The following VTI1A variants were observed in gnomAD, a reference collection of about 807,000 sequenced individuals.
VTI1A encodes the protein vesicle transport through interaction with t-SNAREs homolog 1A.
A neutral mutation model predicts 34.9 loss-of-function variants in VTI1A; 22 were observed. That is an observed-to-expected ratio of 0.63 (90% CI 0.45 to 0.90). The LOEUF is 0.90. Ranked by LOEUF, VTI1A falls within the 40% of genes least tolerant of loss-of-function variation. The pLI, the probability that VTI1A is intolerant of heterozygous loss-of-function variation, is 0.00. For synonymous variants in VTI1A, 87 were observed against 97.3 expected (o/e 0.89, Z 0.62); for missense variants, 268 against 275.6 (o/e 0.97, Z 0.20).
intron 7 of VTI1A, among the ~76,000 whole-genome samples, chr10:112,788,551 G>T (rs1235118748): frequency 1.3e-5 from 2 of 152,098 alleles, no homozygotes; most frequent in African/African-American, 4.8e-5. Flanking sequence ...GTCTCTTACA[G>T]ACAGGATAAA....
At chr10:112,520,604 G>C (rs1849979314) in intron 3 of VTI1A, among the ~76,000 whole-genome samples, 1 of 139,160 alleles carries the variant, frequency 7.2e-6, no homozygotes, top group Admixed American at 7.3e-5. Flanking sequence ...ATTGCAAATG[G>C]GTTTTTTAGT....
chr10:112,467,234 A>G (rs1379218597), intron 3 of VTI1A, among the ~76,000 whole-genome samples: 1 of 152,126 alleles, frequency 6.6e-6, no homozygotes, highest in Non-Finnish European at 1.5e-5. Flanking sequence ...CTCAAAGAGT[A>G]CAATACTGGG....
intron 5 of VTI1A, among the ~76,000 whole-genome samples, chr10:112,563,131 A>G (rs896420928): frequency 6.6e-6 from 1 of 152,206 alleles, no homozygotes; most frequent in East Asian, 1.9e-4. Flanking sequence ...CTTAATTTTA[A>G]TCAGTTAAAA....
At chr10:112,753,386 G>GT (rs1316528170) in intron 7 of VTI1A, among the ~76,000 whole-genome samples, 7 of 151,702 alleles carry the variant, frequency 4.6e-5, no homozygotes, top group South Asian at 4.2e-4. Flanking sequence ...TTTATTTTTT[G>GT]TTTTTTTCCC....
At chr10:112,471,931 AC>A (rs1848102914) in intron 3 of VTI1A, among the ~76,000 whole-genome samples, 1 of 152,236 alleles carries the variant, frequency 6.6e-6, no homozygotes. Context: ...AAAATGTTTG[AC>A]CAAGTCTCAG....
rs552506050 is a variant in VTI1A, at chr10:112,709,050, G to A, written c.560+40052G>A. Among the ~76,000 whole-genome samples, 213 of 152,200 alleles carry A rather than the reference G, an allele frequency of 1.4e-3. 1 individual carries two copies. The highest frequency in any genetic ancestry group is 4.7e-3 in the African/African-American group (196 of 41,518). ...TGTCAATTTTCTTAGGGATTATCCC[G>A]GGAGGGGTACGTGTCCCCTTCCTCA... On this transcript the variant is annotated intron_variant, in intron 7 of 7. Transcript: ENST00000393077.
At chr10:112,510,287 T>C (rs1849561837) in intron 3 of VTI1A, among the ~76,000 whole-genome samples, 1 of 152,200 alleles carries the variant, frequency 6.6e-6, no homozygotes, top group Admixed American at 6.5e-5. Flanking sequence ...CTGGCATTTA[T>C]TCTTATCTGT....
the VTI1A span, among the ~76,000 whole-genome samples, chr10:112,843,590 G>A: frequency 0.02 from 3,069 of 152,256 alleles, 104 homozygotes; most frequent in African/African-American, 0.07. Context: ...AAACATATAC[G>A]TTGTAACCAT....
intron 7 of VTI1A, chr10:112,737,463 T>C (rs1271132537): frequency 3.8e-6 from 4 of 1,046,096 alleles, no homozygotes; most frequent in African/African-American, 1.7e-5. Context: ...ATAATAAGGC[T>C]GAATTTTTAA....
At chr10:112,567,531 T>C (rs1430906828) in intron 5 of VTI1A, among the ~76,000 whole-genome samples, 1 of 152,224 alleles carries the variant, frequency 6.6e-6, no homozygotes, top group African/African-American at 2.4e-5. Flanking sequence ...GTTATAACAT[T>C]AGGCTAACAT....
chr10:112,656,945 C>T lies in VTI1A; in HGVS notation c.428-11273C>T, dbSNP rs985639929. Among the ~76,000 whole-genome samples the T allele has an allele frequency of 2.6e-5, 4 of 151,992 alleles. No individual in the cohort carries two copies. The East Asian group carries it at 5.8e-4, about 22-fold the overall frequency. On this transcript the variant is annotated intron_variant, in intron 5 of 7. Coordinates refer to ENST00000393077, the MANE Select transcript of VTI1A (RefSeq NM_145206.4). Reference sequence around the variant, plus strand: ...TCATGATAGCGAGGGAGTTAGTTATCGCGACATCAGGTTGTTTAAAAGTGG... The same window carrying T: ...TCATGATAGCGAGGGAGTTAGTTATTGCGACATCAGGTTGTTTAAAAGTGG...
At chr10:112,770,393 C>A (rs567491009) in intron 7 of VTI1A, among the ~76,000 whole-genome samples, 44 of 151,528 alleles carry the variant, frequency 2.9e-4, no homozygotes, top group African/African-American at 9.4e-4. Flanking sequence ...CAAATGTTTT[C>A]TTTTTTCTTT....
intron 7 of VTI1A, among the ~76,000 whole-genome samples, chr10:112,704,538 AT>A (rs1002799819): frequency 1.3e-5 from 2 of 152,152 alleles, no homozygotes; most frequent in Admixed American, 1.3e-4. Flanking sequence ...AATAATGATT[AT>A]TTTAGATAGC....
chr10:112,574,674 T>C (rs1852265201), intron 5 of VTI1A, among the ~76,000 whole-genome samples: 1 of 152,254 alleles, frequency 6.6e-6, no homozygotes, highest in South Asian at 2.1e-4. Flanking sequence ...AAGTGATGGA[T>C]GGAACCTATC....
chr10:112,598,219 G>A (rs1017926867), intron 5 of VTI1A, among the ~76,000 whole-genome samples: 1 of 152,174 alleles, frequency 6.6e-6, no homozygotes, highest in Non-Finnish European at 1.5e-5. Flanking sequence ...TGGGCACCTT[G>A]ATTTTTGGCT....
intron 7 of VTI1A, among the ~76,000 whole-genome samples, chr10:112,811,683 C>CAAA (rs869030543): frequency 1.1e-3 from 13 of 11,826 alleles, no homozygotes; most frequent in East Asian, 1.9e-3. Context: ...GACTCCGTCT[C>CAAA]AAAAAAAAAA....
chr10:112,541,988 A>G (rs916497919), intron 5 of VTI1A, among the ~76,000 whole-genome samples: 1 of 151,996 alleles, frequency 6.6e-6, no homozygotes, highest in Non-Finnish European at 1.5e-5. Context: ...AATAAAAAGC[A>G]GCTCTTTTTT....
At chr10:112,477,989 G>A (rs1241168572) in intron 3 of VTI1A, among the ~76,000 whole-genome samples, 14 of 152,098 alleles carry the variant, frequency 9.2e-5, no homozygotes, top group African/African-American at 2.9e-4. Context: ...GCATCTTGCA[G>A]ATTTATATTC....
At chr10:112,455,677 T>C (rs1052120236) in intron 1 of VTI1A, among the ~76,000 whole-genome samples, 3 of 141,836 alleles carry the variant, frequency 2.1e-5, no homozygotes, top group Non-Finnish European at 4.6e-5. Flanking sequence ...CTTCCTTCCT[T>C]CCTTCCTTCC....
Sources: allele counts gnomAD v4.1 joint callset (sites outside exome capture counted in the v4.1 genomes callset), GRCh38; gene constraint gnomAD v4.1.1; transcripts MANE v1.5; gene names NCBI Gene and HGNC (gene_info 2026-07-23, HGNC 2026-07-21).